The following BMP5 variants were observed in gnomAD, a reference collection of about 807,000 sequenced individuals.
BMP5 encodes the protein bone morphogenetic protein 5.
In BMP5, 23 loss-of-function variants were observed where a neutral mutation model predicts 46.6. That is an observed-to-expected ratio of 0.49 (90% CI 0.35 to 0.70). The LOEUF is 0.70. Among genes scored for constraint, BMP5 ranks in the 30% least tolerant of loss-of-function variants. BMP5 has a pLI of 0.00. For missense variants in BMP5, 545 were observed against 565.6 expected (o/e 0.96, Z 0.37); for synonymous variants, 204 against 191.9 (o/e 1.06, Z -0.52).
intron 2 of BMP5, among the ~76,000 whole-genome samples, chr6:55,798,401 A>G (rs1255007318): frequency 6.6e-6 from 1 of 152,226 alleles, no homozygotes; most frequent in African/African-American, 2.4e-5. Flanking sequence ...TTTATTGACA[A>G]CATAGCACTT....
At chr6:55,770,983 A>G (rs564136211) in intron 4 of BMP5, among the ~76,000 whole-genome samples, 1 of 152,032 alleles carries the variant, frequency 6.6e-6, no homozygotes, top group South Asian at 2.1e-4. Flanking sequence ...TATAATAATA[A>G]CAGTAAAATT....
chr6:55,856,043 G>T (rs1445698546), intron 1 of BMP5, among the ~76,000 whole-genome samples: 1 of 151,520 alleles, frequency 6.6e-6, no homozygotes, highest in East Asian at 1.9e-4. Flanking sequence ...TTTGTAGTCA[G>T]TCTTTCACCC....
intron 2 of BMP5, among the ~76,000 whole-genome samples, chr6:55,811,570 G>A (rs540504054): frequency 3.2e-4 from 48 of 152,032 alleles, no homozygotes; most frequent in African/African-American, 8.4e-4. Flanking sequence ...TTCATTATAC[G>A]CTTGAACTTT....
chr6:55,767,292 G>A (rs1362335053), intron 4 of BMP5, among the ~76,000 whole-genome samples: 3 of 151,956 alleles, frequency 2.0e-5, no homozygotes, highest in Non-Finnish European at 2.9e-5. Flanking sequence ...TTTCTCTGAT[G>A]TAAGAGTTTG....
At chr6:55,767,633 T>C (rs1774946490) in intron 4 of BMP5, among the ~76,000 whole-genome samples, 1 of 151,976 alleles carries the variant, frequency 6.6e-6, no homozygotes, top group African/African-American at 2.4e-5. Context: ...CATACTTGTT[T>C]CAGGAGGGGT....
At chr6:55,792,150 G>A (rs1467758413) in intron 3 of BMP5, among the ~76,000 whole-genome samples, 1 of 152,136 alleles carries the variant, frequency 6.6e-6, no homozygotes, top group African/African-American at 2.4e-5. Context: ...GTAATTAAAA[G>A]CTATGGAAAA....
At chr6:55,808,611 C>A (rs1261569501) in intron 2 of BMP5, among the ~76,000 whole-genome samples, 1 of 152,166 alleles carries the variant, frequency 6.6e-6, no homozygotes, top group Non-Finnish European at 1.5e-5. Context: ...TGGGCTCACA[C>A]GTGGGATCTT....
At chr6:55,874,292 A>T in intron 1 of BMP5, 84 bp downstream of exon 1, 1 of 1,568,120 alleles carries the variant, frequency 6.4e-7, no homozygotes, top group Non-Finnish European at 8.7e-7. Flanking sequence ...TATAAACATG[A>T]CCACCTACCA....
At chr6:55,767,265 G>C (rs916152798) in intron 4 of BMP5, among the ~76,000 whole-genome samples, 1 of 151,992 alleles carries the variant, frequency 6.6e-6, no homozygotes, top group Non-Finnish European at 1.5e-5. Context: ...TTATAAGAGA[G>C]AGTGTGAACT....
At chr6:55,782,651 C>T (rs1248305639) in intron 3 of BMP5, among the ~76,000 whole-genome samples, 3 of 152,018 alleles carry the variant, frequency 2.0e-5, no homozygotes, top group Admixed American at 6.6e-5. Context: ...AGAAAAATAA[C>T]GTGAAGAATA....
chr6:55,858,117 G>A (rs1003840954), intron 1 of BMP5, among the ~76,000 whole-genome samples: 3 of 152,164 alleles, frequency 2.0e-5, no homozygotes, highest in East Asian at 1.9e-4. Flanking sequence ...ATACTTGAGC[G>A]TTTTATAATT....
At chr6:55,832,448 GA>G in intron 1 of BMP5, among the ~76,000 whole-genome samples, 1 of 152,186 alleles carries the variant, frequency 6.6e-6, no homozygotes, top group South Asian at 2.1e-4. Context: ...ATTAAGCCAG[GA>G]TTTTACTCAG....
At chr6:55,788,216 T>C (rs973096812) in intron 3 of BMP5, among the ~76,000 whole-genome samples, 13 of 151,702 alleles carry the variant, frequency 8.6e-5, no homozygotes, top group African/African-American at 3.1e-4. Flanking sequence ...TATAATCCTA[T>C]TGCATTACGA....
intron 1 of BMP5, among the ~76,000 whole-genome samples, chr6:55,823,958 A>G (rs184053783): frequency 3.2e-4 from 49 of 152,102 alleles, no homozygotes; most frequent in African/African-American, 1.2e-3. Context: ...TCATACTTTC[A>G]CTACAACCAT....
intron 3 of BMP5, among the ~76,000 whole-genome samples, chr6:55,787,623 C>T (rs1429783689): frequency 1.3e-5 from 2 of 151,504 alleles, no homozygotes; most frequent in African/African-American, 4.8e-5. Flanking sequence ...GAATCCTGTT[C>T]TTTGTTAACA....
At chr6:55,772,580 T>G (rs1050709763) in intron 4 of BMP5, among the ~76,000 whole-genome samples, 9 of 151,896 alleles carry the variant, frequency 5.9e-5, no homozygotes, top group Middle Eastern at 3.2e-3. Context: ...GAAGAAAAGG[T>G]CTTAGAAAGT....
intron 3 of BMP5, among the ~76,000 whole-genome samples, chr6:55,787,518 T>G (rs1397721575): frequency 6.6e-6 from 1 of 151,698 alleles, no homozygotes; most frequent in Non-Finnish European, 1.5e-5. Flanking sequence ...TAGGAAATAT[T>G]ACTGGATATT....
rs1292842218 is a variant in BMP5, at chr6:55,754,934, GCAAA to G, written c.*595_*598del. The G allele has an allele frequency of 3.9e-5, 6 of 152,054 alleles. No homozygotes were observed. Among genetic ancestry groups the G allele is most frequent in the Admixed American group, 3.9e-4 (6 of 15,220 alleles). The allele number at this position is 152,054 out of a possible 1,614,324, so 9.4% of individuals were successfully genotyped here. A position where few individuals can be genotyped will look rare whatever the true frequency, so the allele number is the denominator to read the frequency against. On this transcript the variant is annotated 3_prime_UTR_variant, in exon 7 of 7. Coordinates refer to ENST00000370830, the MANE Select transcript of BMP5 (RefSeq NM_021073.4). ...CTACAGTTACACCACTTCTGTTAAAGCAAACAGTTAAAACAATTCTGTGCAATCT... is the reference window on the plus strand; with the variant it reads ...CTACAGTTACACCACTTCTGTTAAAGCAGTTAAAACAATTCTGTGCAATCT...
Position 55,787,664 on chromosome 6 carries a change from GAAC to G in BMP5, c.832+6612_832+6614del, listed in dbSNP as rs1210480055. On this transcript the variant is annotated intron_variant, in intron 3 of 6. Coordinates refer to ENST00000370830, the MANE Select transcript of BMP5 (RefSeq NM_021073.4). ...GTAACAGTTGTCAATTACTGGGAAT[GAAC>G]AACAACAACAAAAATTATCACAGGT... 3.3e-5 allele frequency among the ~76,000 whole-genome samples: 5 copies of G among 151,512 alleles called. No individual in the cohort carries two copies. The South Asian group carries it at 1.0e-3, about 31-fold the overall frequency.
Sources: allele counts gnomAD v4.1 joint callset (sites outside exome capture counted in the v4.1 genomes callset), GRCh38; gene constraint gnomAD v4.1.1; transcripts MANE v1.5; gene names NCBI Gene and HGNC (gene_info 2026-07-23, HGNC 2026-07-21).